The following DNAH8 variants were observed in gnomAD, a reference collection of about 807,000 sequenced individuals.
DNAH8 encodes axonemal beta dynein heavy chain 8.
A neutral mutation model predicts 562.1 loss-of-function variants in DNAH8; 382 were observed. The ratio of observed to expected loss-of-function variants is 0.68; its 90% CI spans 0.63 to 0.74. The LOEUF is 0.74. Among genes scored for constraint, DNAH8 ranks in the 30% least tolerant of loss-of-function variants. The pLI, the probability that DNAH8 is intolerant of heterozygous loss-of-function variation, is 0.00. For missense variants in DNAH8, 5,203 were observed against 5,620.4 expected, an observed-to-expected ratio of 0.93 and a Z score of 2.37; for synonymous variants, 1,881 against 1,919.4, an observed-to-expected ratio of 0.98 and a Z score of 0.52.
chr6:39,021,228 G>C (rs964890619), intron 91 of DNAH8, among the ~76,000 whole-genome samples: 1 of 152,186 alleles, frequency 6.6e-6, no homozygotes, highest in African/African-American at 2.4e-5. Context: ...CCCAGTATGT[G>C]GTCCACCAGC....
At chr6:38,870,277 C>A in intron 48 of DNAH8, 124 bp from the exon 49 acceptor site, 1 of 823,860 alleles carries the variant, frequency 1.2e-6, no homozygotes, top group Non-Finnish European at 1.9e-6. Context: ...AGAATACAAG[C>A]CTGATTAGGA....
rs1462415449 is a variant in DNAH8, at chr6:38,790,354, C to T, written c.2730C>T (p.Phe910=). 1 of 1,608,284 alleles carries T rather than the reference C, an allele frequency of 6.2e-7. No homozygotes were observed. The highest frequency in any genetic ancestry group is 8.5e-7 in the Non-Finnish European group (1 of 1,178,318). The change falls in exon 20 of 93, where the codon TTC becomes TTT. Residue 910 remains phenylalanine (F), a synonymous_variant. Transcript: ENST00000327475. ...LTWSSLTLES[F]FQEVELVLDM... ...GGTCGTCTTTAACACTGGAAAGCTT[C>T]TTTCAAGAAGTCGAATTAGTTTTGG...
chr6:38,980,748 C>T (rs533717906), intron 85 of DNAH8, among the ~76,000 whole-genome samples: 2 of 147,520 alleles, frequency 1.4e-5, no homozygotes, highest in South Asian at 4.7e-4. Context: ...TTAAGAGCTA[C>T]TCCTATTATT....
chr6:38,811,272 T>C (rs1199963156), intron 24 of DNAH8, among the ~76,000 whole-genome samples: 1 of 152,230 alleles, frequency 6.6e-6, no homozygotes, highest in Non-Finnish European at 1.5e-5. Flanking sequence ...TTGTTCCAAC[T>C]ATGGAACTTT....
chr6:38,956,931 A>G (rs1762283485), intron 82 of DNAH8, among the ~76,000 whole-genome samples: 1 of 152,230 alleles, frequency 6.6e-6, no homozygotes, highest in Admixed American at 6.5e-5. Context: ...GTTAGTCCTT[A>G]CCTACCAACA....
intron 85 of DNAH8, among the ~76,000 whole-genome samples, chr6:38,976,351 T>C (rs1763673958): frequency 6.6e-6 from 1 of 152,206 alleles, no homozygotes; most frequent in African/African-American, 2.4e-5. Context: ...ACAGTGAGTG[T>C]AGGTAATTCT....
intron 62 of DNAH8, among the ~76,000 whole-genome samples, chr6:38,900,587 A>G (rs976850556): frequency 6.6e-6 from 1 of 150,408 alleles, no homozygotes; most frequent in Non-Finnish European, 1.5e-5. Context: ...CCTTGCTCCC[A>G]CTTGGCATTG....
In DNAH8 at chr6:38,722,805, G is replaced by C; in HGVS notation, c.-5G>C. On this transcript the variant is annotated 5_prime_UTR_variant, in exon 2 of 93. Coordinates refer to ENST00000327475, the MANE Select transcript of DNAH8 (RefSeq NM_001206927.2). ...CGAAGTATAAAGCATTCCGCACGAC[G>C]GGGGATGGAGAAGGATGCTGAAGAT... The C allele has an allele frequency of 6.3e-7, 1 of 1,575,178 alleles. No individual in the cohort carries two copies. Among genetic ancestry groups the C allele is most frequent in the Non-Finnish European group, 8.6e-7 (1 of 1,162,966 alleles).
chr6:38,997,447 C>T (rs1245765080), intron 88 of DNAH8, among the ~76,000 whole-genome samples: 2 of 152,126 alleles, frequency 1.3e-5, no homozygotes, highest in East Asian at 1.9e-4. Context: ...CCTGACATTG[C>T]TTGTCTGGGA....
At chr6:38,955,546 G>A (rs1287106547) in intron 82 of DNAH8, among the ~76,000 whole-genome samples, 1 of 152,048 alleles carries the variant, frequency 6.6e-6, no homozygotes, top group Non-Finnish European at 1.5e-5. Context: ...CATGAGAATA[G>A]CTTGAACCTG....
intron 63 of DNAH8, 28 bp from the exon 64 acceptor site, chr6:38,907,927 CA>C (rs1222641495): frequency 6.6e-7 from 1 of 1,520,822 alleles, no homozygotes; most frequent in Non-Finnish European, 8.8e-7. Context: ...TCTTAAAACA[CA>C]GAACACTTCC....
intron 65 of DNAH8, among the ~76,000 whole-genome samples, chr6:38,910,386 G>A (rs751659273): frequency 3.6e-4 from 55 of 152,182 alleles, no homozygotes; most frequent in Non-Finnish European, 6.3e-4. Flanking sequence ...AGCTATGCCT[G>A]TTTTTCTGCA....
At chr6:38,976,490 G>A (rs940087827) in intron 85 of DNAH8, among the ~76,000 whole-genome samples, 3 of 152,142 alleles carry the variant, frequency 2.0e-5, no homozygotes, top group Non-Finnish European at 2.9e-5. Flanking sequence ...TACTTGGTTA[G>A]GATAGGGACA....
Position 38,741,895 on chromosome 6 carries a change from G to A in DNAH8, c.1293+8G>A. 1.2e-6 allele frequency: 2 copies of A among 1,601,168 alleles called. No homozygotes were observed. The highest frequency in any genetic ancestry group is 2.2e-5 in the East Asian group (1 of 44,734). Reference sequence around the variant, plus strand: ...CACTCCAAACTGCTAAAGGTAAAAGGCTTTTTATTTAAAGTTTGGTATACT... The same window carrying A: ...CACTCCAAACTGCTAAAGGTAAAAGACTTTTTATTTAAAGTTTGGTATACT... On this transcript the variant is annotated splice_region_variant and intron_variant, in intron 8 of 92. Coordinates refer to ENST00000327475, the MANE Select transcript of DNAH8 (RefSeq NM_001206927.2).
In DNAH8 at chr6:38,909,521, G is replaced by T. The variant is rs1030384306; in HGVS notation, c.9517G>T (p.Gly3173Cys). ...TTGTTGACTTTGCTATCAATAGGTTGGTGAGAAGTTCCGTGCCCGTTCTTT... is the reference window on the plus strand; with the variant it reads ...TTGTTGACTTTGCTATCAATAGGTTTGTGAGAAGTTCCGTGCCCGTTCTTT... The part of the protein sequence containing the change: ...LHVVLCFSPV[G>C]EKFRARSLKF... Residue 3173 changes from glycine (G) to cysteine (C), a missense_variant, in exon 65 of 93, where the codon GGT becomes TGT. Coordinates refer to ENST00000327475, the MANE Select transcript of DNAH8 (RefSeq NM_001206927.2). 1 of 1,613,994 alleles carries T rather than the reference G, an allele frequency of 6.2e-7. No individual in the cohort carries two copies. The highest frequency in any genetic ancestry group is 8.5e-7 in the Non-Finnish European group (1 of 1,179,926).
intron 30 of DNAH8, among the ~76,000 whole-genome samples, chr6:38,830,396 A>G (rs575619223): frequency 1.2e-3 from 190 of 152,168 alleles, no homozygotes; most frequent in African/African-American, 4.3e-3. Flanking sequence ...GCACTTTGGG[A>G]GGCTGAGGTG....
At chr6:38,921,962 A>C (rs889855119) in intron 71 of DNAH8, among the ~76,000 whole-genome samples, 7 of 152,030 alleles carry the variant, frequency 4.6e-5, no homozygotes, top group African/African-American at 1.7e-4. Context: ...TGGGGGTCAC[A>C]AGGTGCTCAG....
At chr6:38,952,124 G>A (rs1174951828) in intron 82 of DNAH8, among the ~76,000 whole-genome samples, 1 of 152,104 alleles carries the variant, frequency 6.6e-6, no homozygotes, top group Non-Finnish European at 1.5e-5. Flanking sequence ...GGATTGCCTG[G>A]GGTATAGGGG....
intron 64 of DNAH8, 105 bp downstream of exon 64, chr6:38,908,225 TACA>T: frequency 1.6e-6 from 1 of 620,700 alleles, no homozygotes; most frequent in Non-Finnish European, 2.5e-6. Flanking sequence ...TTAATATTTT[TACA>T]TTGAATTAAA....
Sources: gnomAD v4.1 joint callset for allele counts (sites outside exome capture counted in the v4.1 genomes callset) on GRCh38, gnomAD v4.1.1 for gene constraint, MANE v1.5 for transcripts, NCBI Gene and HGNC (gene_info 2026-07-23, HGNC 2026-07-21) for gene names.